The following SCD5 variants were observed in gnomAD, a reference collection of about 807,000 sequenced individuals.
SCD5 encodes stearoyl-CoA desaturase 5.
A neutral mutation model predicts 30.4 loss-of-function variants in SCD5; 20 were observed. The observed-to-expected ratio is 0.66, with a 90% CI of 0.46 to 0.96. The LOEUF is 0.96. SCD5 is among the 40% of genes least tolerant of loss of function. The pLI, the probability that SCD5 is intolerant of heterozygous loss-of-function variation, is 0.00. For synonymous variants in SCD5, 173 were observed against 176.4 expected (o/e 0.98, Z 0.16); for missense variants, 381 against 443.3 (o/e 0.86, Z 1.26).
intron 1 of SCD5, among the ~76,000 whole-genome samples, chr4:82,721,325 T>C (rs887015341): frequency 6.6e-6 from 1 of 152,192 alleles, no homozygotes; most frequent in East Asian, 1.9e-4. Context: ...CAGATGTTTC[T>C]AAGCACAGTA....
chr4:82,641,162 G>A (rs1727534485), intron 3 of SCD5, among the ~76,000 whole-genome samples: 1 of 149,408 alleles, frequency 6.7e-6, no homozygotes, highest in Non-Finnish European at 1.5e-5. Flanking sequence ...GCTGAGGCAG[G>A]AGAATTGCTT....
intron 1 of SCD5, among the ~76,000 whole-genome samples, chr4:82,767,495 A>G (rs1005665040): frequency 6.6e-6 from 1 of 152,124 alleles, no homozygotes; most frequent in Non-Finnish European, 1.5e-5. Flanking sequence ...CCTTTCTTGG[A>G]GATCTCCGTC....
At chr4:82,783,663 C>T (rs755273762) in intron 1 of SCD5, among the ~76,000 whole-genome samples, 15 of 151,866 alleles carry the variant, frequency 9.9e-5, no homozygotes, top group African/African-American at 3.1e-4. Flanking sequence ...ATTAGCTGGG[C>T]GTGGCAGCGC....
At chr4:82,702,160 T>G (rs1283615933) in intron 2 of SCD5, among the ~76,000 whole-genome samples, 3 of 107,292 alleles carry the variant, frequency 2.8e-5, no homozygotes, top group East Asian at 5.0e-4. Context: ...TTTTTTTTTT[T>G]GTGAGATGGA....
chr4:82,719,508 C>CT (rs10635133), intron 1 of SCD5, among the ~76,000 whole-genome samples: 34,762 of 142,074 alleles, frequency 0.24, 6,705 homozygotes, highest in African/African-American at 0.53. Context: ...ATATGATTTT[C>CT]TTTTTTTTTT....
intron 2 of SCD5, among the ~76,000 whole-genome samples, chr4:82,694,750 T>C (rs1263231678): frequency 6.6e-6 from 1 of 152,214 alleles, no homozygotes; most frequent in African/African-American, 2.4e-5. Flanking sequence ...GTCTTCATCC[T>C]TGTCTTCTTT....
intron 1 of SCD5, among the ~76,000 whole-genome samples, chr4:82,739,028 C>A (rs79516519): frequency 0.15 from 22,070 of 152,042 alleles, 2,844 homozygotes; most frequent in African/African-American, 0.35. Flanking sequence ...AATTTTTTCC[C>A]CAAGTGTGCT....
At chr4:82,785,802 G>A (rs991517378) in intron 1 of SCD5, among the ~76,000 whole-genome samples, 7 of 152,166 alleles carry the variant, frequency 4.6e-5, no homozygotes, top group African/African-American at 1.7e-4. Context: ...AGAGGTGGAA[G>A]GGGGAGATAT....
chr4:82,658,609 A>G (rs1267477798), intron 3 of SCD5, among the ~76,000 whole-genome samples: 1 of 138,614 alleles, frequency 7.2e-6, no homozygotes, highest in African/African-American at 2.7e-5. Context: ...TGGGACTACA[A>G]GTGTGTGCTA....
chr4:82,697,041 T>G (rs1719711095), intron 2 of SCD5, among the ~76,000 whole-genome samples: 1 of 152,196 alleles, frequency 6.6e-6, no homozygotes, highest in Non-Finnish European at 1.5e-5. Flanking sequence ...CCTTCTGTGG[T>G]TCTAAGACAA....
chr4:82,793,215 G>A (rs1722136881), intron 1 of SCD5, among the ~76,000 whole-genome samples: 2 of 152,194 alleles, frequency 1.3e-5, no homozygotes, highest in Non-Finnish European at 2.9e-5. Context: ...CAAAGGAAGA[G>A]GGAGGGAGAA....
At chr4:82,754,227 G>T (rs1000110758) in intron 1 of SCD5, among the ~76,000 whole-genome samples, 1 of 152,176 alleles carries the variant, frequency 6.6e-6, no homozygotes. Flanking sequence ...GAAGAGAAAG[G>T]AGAAGGGAGA....
chr4:82,639,000 G>C (rs1326960584), intron 3 of SCD5, among the ~76,000 whole-genome samples: 1 of 152,186 alleles, frequency 6.6e-6, no homozygotes, highest in Non-Finnish European at 1.5e-5. Flanking sequence ...ATAGGTGGTG[G>C]GACAGAAATT....
In SCD5 at chr4:82,770,587, T is replaced by G. The variant is rs559062117; in HGVS notation, c.232+27719A>C. Among the ~76,000 whole-genome samples the G allele has an allele frequency of 3.4e-4, 52 of 152,214 alleles. 2 individuals carry two copies. Among genetic ancestry groups the G allele is most frequent in the Non-Finnish European group, 3.4e-4 (23 of 68,038 alleles). On this transcript the variant is annotated intron_variant, in intron 1 of 4. Coordinates refer to ENST00000319540, the MANE Select transcript of SCD5 (RefSeq NM_001037582.3). ...AAATCCTCTTTATTCAGGGAAATATTTGTTAAGTATAAGAAATAATAAGTA... is the reference window on the plus strand; with the variant it reads ...AAATCCTCTTTATTCAGGGAAATATGTGTTAAGTATAAGAAATAATAAGTA...
At chr4:82,740,649 G>T (rs1411307801) in intron 1 of SCD5, among the ~76,000 whole-genome samples, 2 of 152,162 alleles carry the variant, frequency 1.3e-5, no homozygotes, top group African/African-American at 4.8e-5. Context: ...CCAATGTGTG[G>T]TCTATCCCCT....
chr4:82,742,867 T>C (rs1720906826), intron 1 of SCD5, among the ~76,000 whole-genome samples: 1 of 152,188 alleles, frequency 6.6e-6, no homozygotes, highest in African/African-American at 2.4e-5. Context: ...ATGTCCAACA[T>C]GTCAAACACT....
At chr4:82,729,005 G>A (rs4693502) in intron 1 of SCD5, among the ~76,000 whole-genome samples, 33,565 of 151,958 alleles carry the variant, frequency 0.22, 4,332 homozygotes, top group Middle Eastern at 0.34. Context: ...AAAAAGGAAT[G>A]GGAATTTTCC....
intron 1 of SCD5, among the ~76,000 whole-genome samples, chr4:82,779,753 C>G (rs887109495): frequency 6.6e-6 from 1 of 152,170 alleles, no homozygotes; most frequent in African/African-American, 2.4e-5. Flanking sequence ...GACACCAGGA[C>G]GAGGCTGTCA....
chr4:82,746,901 C>CCCAATCCT (rs755910388), intron 1 of SCD5, among the ~76,000 whole-genome samples: 4 of 152,026 alleles, frequency 2.6e-5, no homozygotes, highest in Non-Finnish European at 4.4e-5. Context: ...CTACCACACC[C>CCCAATCCT]CCAATCCTGT....
Sources: gnomAD v4.1 joint callset for allele counts (sites outside exome capture counted in the v4.1 genomes callset) on GRCh38, gnomAD v4.1.1 for gene constraint, MANE v1.5 for transcripts, NCBI Gene and HGNC (gene_info 2026-07-23, HGNC 2026-07-21) for gene names.